Variants in SLC24A2 observed in about 807,000 individuals in gnomAD.
SLC24A2 encodes sodium/potassium/calcium exchanger 2.
SLC24A2 carries 36 observed loss-of-function variants against 62.0 expected under a neutral mutation model. The observed-to-expected ratio is 0.58, with a 90% CI of 0.44 to 0.77. The LOEUF (loss-of-function observed/expected upper bound fraction) is 0.77. SLC24A2 is among the 30% of genes least tolerant of loss of function. The probability of loss-of-function intolerance (pLI) is 0.00; values close to 1 mark genes in which losing one functional copy is unlikely to be tolerated. For synonymous variants in SLC24A2, 358 were observed against 294.0 expected (o/e 1.22, Z -2.23); for missense variants, 846 against 817.9 (o/e 1.03, Z -0.42).
chr9:19,873,418 TTC>T, the SLC24A2 span, among the ~76,000 whole-genome samples: 6 of 150,504 alleles, frequency 4.0e-5, no homozygotes, highest in African/African-American at 1.5e-4. Flanking sequence ...CTTTCTTTCT[TTC>T]TCTTTCTCTC....
chr9:19,609,190 A>G (rs995876630), intron 4 of SLC24A2, among the ~76,000 whole-genome samples: 6 of 152,206 alleles, frequency 3.9e-5, no homozygotes, highest in Non-Finnish European at 8.8e-5. Context: ...GGCCACTTAC[A>G]TGAATGTGCG....
chr9:20,240,783 T>C, the SLC24A2 span, among the ~76,000 whole-genome samples: 1 of 152,124 alleles, frequency 6.6e-6, no homozygotes, highest in Non-Finnish European at 1.5e-5. Context: ...AGAGGGCTTC[T>C]AAGAAGAGGT....
chr9:20,259,151 G>C, the SLC24A2 span, among the ~76,000 whole-genome samples: 1 of 152,156 alleles, frequency 6.6e-6, no homozygotes. Context: ...AATTGGAAAA[G>C]ACATGAAAAC....
At chr9:20,231,518 T>C in the SLC24A2 span, among the ~76,000 whole-genome samples, 12,300 of 152,252 alleles carry the variant, frequency 0.081, 557 homozygotes, top group Middle Eastern at 0.12. Flanking sequence ...AGTTTACTCA[T>C]GATTTGGCTC....
the SLC24A2 span, among the ~76,000 whole-genome samples, chr9:19,955,071 C>T: frequency 6.6e-6 from 1 of 151,948 alleles, no homozygotes; most frequent in Non-Finnish European, 1.5e-5. Context: ...CCACTTTAAT[C>T]AATTCTAAGA....
At chr9:20,060,827 G>A in the SLC24A2 span, among the ~76,000 whole-genome samples, 2 of 152,086 alleles carry the variant, frequency 1.3e-5, no homozygotes, top group African/African-American at 4.8e-5. Flanking sequence ...CTACTATAAC[G>A]ATTTTAGTAA....
chr9:19,560,786 T>C (rs535128178), intron 7 of SLC24A2, among the ~76,000 whole-genome samples: 1 of 152,220 alleles, frequency 6.6e-6, no homozygotes, highest in East Asian at 1.9e-4. Flanking sequence ...TCACTTAGTT[T>C]ATTTTTAAAT....
At chr9:20,003,522 A>G in the SLC24A2 span, among the ~76,000 whole-genome samples, 1 of 152,144 alleles carries the variant, frequency 6.6e-6, no homozygotes, top group East Asian at 1.9e-4. Context: ...GAACCCTCAT[A>G]TTCCTTGAGG....
chr9:20,271,218 T>C, the SLC24A2 span, among the ~76,000 whole-genome samples: 1 of 152,210 alleles, frequency 6.6e-6, no homozygotes, highest in African/African-American at 2.4e-5. Flanking sequence ...GAAGATGTTG[T>C]CTGTGCTGGC....
At chr9:20,011,931 G>C in the SLC24A2 span, among the ~76,000 whole-genome samples, 2 of 151,968 alleles carry the variant, frequency 1.3e-5, no homozygotes, top group Non-Finnish European at 2.9e-5. Context: ...CAAAATGAAG[G>C]ATAAAAATCA....
At chr9:19,595,400 C>T (rs1836678670) in intron 5 of SLC24A2, among the ~76,000 whole-genome samples, 1 of 152,094 alleles carries the variant, frequency 6.6e-6, no homozygotes, top group Non-Finnish European at 1.5e-5. Context: ...AAATTTTCAG[C>T]TAAGAATGGG....
chr9:20,254,778 C>A, the SLC24A2 span, among the ~76,000 whole-genome samples: 1 of 152,092 alleles, frequency 6.6e-6, no homozygotes, highest in South Asian at 2.1e-4. Flanking sequence ...AAGAAATACC[C>A]AAGACTGGAT....
chr9:20,185,535 G>A, the SLC24A2 span, among the ~76,000 whole-genome samples: 5 of 151,692 alleles, frequency 3.3e-5, no homozygotes, highest in Admixed American at 1.3e-4. Flanking sequence ...CGTGGTTGTG[G>A]GCGCCTGTAG....
chr9:19,951,224 A>AG, the SLC24A2 span, among the ~76,000 whole-genome samples: 1 of 125,070 alleles, frequency 8.0e-6, no homozygotes, highest in Admixed American at 8.2e-5. Flanking sequence ...GTTTTTCTTA[A>AG]GTTGTGTGTG....
chr9:19,770,570 A>G (rs1822655615), intron 2 of SLC24A2, among the ~76,000 whole-genome samples: 1 of 152,182 alleles, frequency 6.6e-6, no homozygotes, highest in South Asian at 2.1e-4. Context: ...CTTACTAACT[A>G]TCATACTATC....
At chr9:19,794,882 A>T in the SLC24A2 span, among the ~76,000 whole-genome samples, 124,660 of 151,996 alleles carry the variant, frequency 0.82, 52,852 homozygotes, top group Non-Finnish European at 0.94. Context: ...CTCAAAAAAA[A>T]AAAAATAAAA....
At chr9:19,765,995 T>C (rs984439654) in intron 2 of SLC24A2, among the ~76,000 whole-genome samples, 2 of 152,180 alleles carry the variant, frequency 1.3e-5, no homozygotes, top group Non-Finnish European at 2.9e-5. Context: ...TGTTCATTCC[T>C]TTTCATTCTT....
chr9:20,110,458 C>CT, the SLC24A2 span, among the ~76,000 whole-genome samples: 17,464 of 149,684 alleles, frequency 0.12, 1,048 homozygotes, highest in Middle Eastern at 0.17. Context: ...ACTAAATGCA[C>CT]TTTTTTTTTT....
At chr9:19,545,159 A>C (rs569795434) in intron 8 of SLC24A2, among the ~76,000 whole-genome samples, 49 of 151,696 alleles carry the variant, frequency 3.2e-4, no homozygotes, top group African/African-American at 1.2e-3. Flanking sequence ...TTGTCTTCTC[A>C]CTTCATTTCA....
Sources: allele counts gnomAD v4.1 joint callset (sites outside exome capture counted in the v4.1 genomes callset), GRCh38; gene constraint gnomAD v4.1.1; transcripts MANE v1.5; gene names NCBI Gene and HGNC (gene_info 2026-07-23, HGNC 2026-07-21).